Variants in CNBD2 observed in about 807,000 individuals in gnomAD.
CNBD2 encodes cyclic nucleotide binding domain containing 2.
Under a neutral mutation model 63.7 loss-of-function variants are expected in CNBD2, and 64 were observed. The ratio of observed to expected loss-of-function variants is 1.00; its 90% CI spans 0.82 to 1.24. CNBD2 has a LOEUF of 1.24. Ranked by LOEUF, CNBD2 falls within the 50% of genes most tolerant of loss-of-function variation. CNBD2 has a pLI of 0.00. For synonymous variants in CNBD2, 229 were observed against 255.4 expected (o/e 0.90, Z 0.99); for missense variants, 691 against 713.5 (o/e 0.97, Z 0.36).
chr20:35,956,058 A>C (rs1025543176), downstream of CNBD2, among the ~76,000 whole-genome samples: 1 of 152,194 alleles, frequency 6.6e-6, no homozygotes, highest in African/African-American at 2.4e-5. Context: ...CAGAAGGGGA[A>C]ACTGAGGCCC....
At chr20:35,967,336 G>A (rs1317609144), upstream of CNBD2, among the ~76,000 whole-genome samples, 1 of 137,018 alleles carries the variant, frequency 7.3e-6, no homozygotes, top group African/African-American at 2.8e-5. Context: ...TGCAACCTCT[G>A]CCTCCCGGGT....
At chr20:35,983,245 A>C (rs1312845905) in intron 4 of CNBD2, among the ~76,000 whole-genome samples, 1 of 151,966 alleles carries the variant, frequency 6.6e-6, no homozygotes, top group Non-Finnish European at 1.5e-5. Context: ...TGGGATTAAC[A>C]GGCGTGTGCC....
chr20:36,020,156 C>T (rs560427067), intron 10 of CNBD2, among the ~76,000 whole-genome samples: 1 of 152,192 alleles, frequency 6.6e-6, no homozygotes, highest in East Asian at 1.9e-4. Context: ...GATCTTTGCA[C>T]ACTGCAAGCT....
downstream of CNBD2, chr20:35,958,926 A>T (rs1448892163): frequency 6.6e-6 from 1 of 152,204 alleles, no homozygotes; most frequent in East Asian, 1.9e-4. Context: ...TTCCCTGGAG[A>T]TTCACCCAAG....
In CNBD2 at chr20:36,023,599, G is replaced by T. The variant is rs778794375; in HGVS notation, c.1270-3G>T. The T allele has an allele frequency of 3.2e-5, 50 of 1,583,428 alleles. No homozygotes were observed. The highest frequency in any genetic ancestry group is 4.2e-5 in the Non-Finnish European group (49 of 1,166,812). On this transcript the variant is annotated splice_polypyrimidine_tract_variant and splice_region_variant and intron_variant, in intron 10 of 11. Coordinates refer to ENST00000373973, the MANE Select transcript of CNBD2 (RefSeq NM_001365709.1). ...GGTCTAACTTTCTGTGACTTCTCCC[G>T]AGGGTCTTCACCAGGCCTTCCTTCC...
At chr20:35,998,646 A>G (rs1375432395) in intron 8 of CNBD2, among the ~76,000 whole-genome samples, 3 of 151,984 alleles carry the variant, frequency 2.0e-5, no homozygotes, top group African/African-American at 7.2e-5. Flanking sequence ...AGGCGGGCAG[A>G]TCACCTGAGG....
At chr20:35,957,368 C>T (rs1017369923), downstream of CNBD2, among the ~76,000 whole-genome samples, 2 of 151,856 alleles carry the variant, frequency 1.3e-5, no homozygotes, top group Admixed American at 6.6e-5. Flanking sequence ...AGGCGGATCA[C>T]CTGAGCTCAG....
At chr20:36,027,250 TG>T (rs1244426764) in intron 11 of CNBD2, among the ~76,000 whole-genome samples, 2 of 152,184 alleles carry the variant, frequency 1.3e-5, no homozygotes, top group African/African-American at 2.4e-5. Flanking sequence ...GCAGCAGGTG[TG>T]GGAAGCGAGT....
upstream of CNBD2, chr20:35,954,560 C>G (rs1164743194): frequency 2.0e-6 from 3 of 1,480,756 alleles, no homozygotes; most frequent in Admixed American, 2.1e-5. Flanking sequence ...AAGCGGCGCC[C>G]TCTAGCGTTC....
intron 8 of CNBD2, among the ~76,000 whole-genome samples, chr20:36,002,180 C>T (rs1216093021): frequency 1.3e-5 from 2 of 152,322 alleles, no homozygotes; most frequent in African/African-American, 4.8e-5. Context: ...GGATCACTCG[C>T]GGTTAGGAGC....
At chr20:36,006,359 G>T (rs543694609) in intron 8 of CNBD2, among the ~76,000 whole-genome samples, 3 of 151,942 alleles carry the variant, frequency 2.0e-5, no homozygotes, top group Admixed American at 6.6e-5. Context: ...TGTTCTTGAC[G>T]TATAATTTTT....
chr20:35,978,255 A>C (rs2056547443), intron 3 of CNBD2, among the ~76,000 whole-genome samples: 1 of 152,088 alleles, frequency 6.6e-6, no homozygotes, highest in Admixed American at 6.5e-5. Context: ...AGCTCACTGC[A>C]ACCTCAACCT....
At chr20:35,963,883 C>T (rs752959071), upstream of CNBD2, among the ~76,000 whole-genome samples, 5 of 152,104 alleles carry the variant, frequency 3.3e-5, no homozygotes, top group Non-Finnish European at 7.4e-5. Context: ...CTGGGGGTTG[C>T]AAACAGGTAA....
At chr20:35,968,873 G>A (rs2056373122) in intron 1 of CNBD2, 60 bp downstream of exon 1, 1 of 1,353,214 alleles carries the variant, frequency 7.4e-7, no homozygotes, top group Non-Finnish European at 1.0e-6. Flanking sequence ...CAGGTGTTTT[G>A]AGGAAGGTCG....
At chr20:36,010,800 C>T (rs187082703) in intron 9 of CNBD2, among the ~76,000 whole-genome samples, 3 of 152,224 alleles carry the variant, frequency 2.0e-5, no homozygotes, top group Admixed American at 2.0e-4. Context: ...GAAATTCCTT[C>T]CTCATGCTGA....
chr20:36,021,090 A>C (rs1166077503), intron 10 of CNBD2, among the ~76,000 whole-genome samples: 2 of 152,234 alleles, frequency 1.3e-5, no homozygotes, highest in African/African-American at 4.8e-5. Flanking sequence ...ACAGGCGAGC[A>C]ATGGCCCAGG....
At chr20:36,029,689 G>T (rs1405897110) in intron 11 of CNBD2, among the ~76,000 whole-genome samples, 1 of 152,198 alleles carries the variant, frequency 6.6e-6, no homozygotes, top group Non-Finnish European at 1.5e-5. Context: ...GATCAAAGTT[G>T]ACTTTATCTT....
At chr20:36,013,636 G>A (rs2057093332) in intron 10 of CNBD2, among the ~76,000 whole-genome samples, 1 of 152,158 alleles carries the variant, frequency 6.6e-6, no homozygotes, top group Admixed American at 6.6e-5. Flanking sequence ...TAGTGATAAA[G>A]CTGTTTGTCA....
At chr20:36,019,635 G>A (rs1415822393) in intron 10 of CNBD2, among the ~76,000 whole-genome samples, 1 of 151,882 alleles carries the variant, frequency 6.6e-6, no homozygotes. Flanking sequence ...GAGGGAGGAG[G>A]CGTGTTGGGG....
Sources: gnomAD v4.1 joint callset for allele counts (sites outside exome capture counted in the v4.1 genomes callset) on GRCh38, gnomAD v4.1.1 for gene constraint, MANE v1.5 for transcripts, NCBI Gene and HGNC (gene_info 2026-07-23, HGNC 2026-07-21) for gene names.